LRP1B: variants seen among roughly 807,000 people sequenced by gnomAD.
The protein encoded by LRP1B is low-density lipoprotein receptor-related protein 1B.
A neutral mutation model predicts 556.6 loss-of-function variants in LRP1B; 217 were observed. That is an observed-to-expected ratio of 0.39 (90% CI 0.35 to 0.44). The LOEUF (loss-of-function observed/expected upper bound fraction) is 0.44. Ranked by LOEUF, LRP1B falls within the 20% of genes least tolerant of loss-of-function variation. LRP1B has a pLI of 1.00. For missense variants in LRP1B, 5,053 were observed against 5,620.8 expected, an observed-to-expected ratio of 0.90 and a Z score of 3.23; for synonymous variants, 2,047 against 1,865.8, an observed-to-expected ratio of 1.10 and a Z score of -2.50.
At chr2:140,341,652 G>A (rs1016072394) in intron 77 of LRP1B, among the ~76,000 whole-genome samples, 6 of 151,400 alleles carry the variant, frequency 4.0e-5, no homozygotes, top group African/African-American at 9.7e-5. Flanking sequence ...TCTTGGTAGC[G>A]AAATATGGCC....
At chr2:141,888,553 G>A (rs1699191766) in intron 1 of LRP1B, among the ~76,000 whole-genome samples, 1 of 152,202 alleles carries the variant, frequency 6.6e-6, no homozygotes, top group Non-Finnish European at 1.5e-5. Flanking sequence ...ATCAAGAAAA[G>A]CAAAATCAAA....
chr2:141,917,388 T>A (rs926862303), intron 1 of LRP1B, among the ~76,000 whole-genome samples: 1 of 152,230 alleles, frequency 6.6e-6, no homozygotes, highest in African/African-American at 2.4e-5. Flanking sequence ...TCCTTTGATT[T>A]TGCTTTATCA....
intron 74 of LRP1B, among the ~76,000 whole-genome samples, chr2:140,357,241 T>C (rs1342753428): frequency 6.6e-6 from 1 of 151,714 alleles, no homozygotes; most frequent in Non-Finnish European, 1.5e-5. Flanking sequence ...TTATTATCGT[T>C]GTAACCCCAC....
rs948342156 is a variant in LRP1B, at chr2:141,329,346, C to T, written c.344-74705G>A. On this transcript the variant is annotated intron_variant, in intron 3 of 90. Transcript: ENST00000389484. ...GAGGTCAAAGTGAGCTGAGATTGCA[C>T]CATTGTAATCCAGCCTGGGGGACAA... Among the ~76,000 whole-genome samples the T allele has an allele frequency of 6.4e-4, 88 of 136,528 alleles. 1 individual carries two copies. Among genetic ancestry groups the T allele is most frequent in the African/African-American group, 2.4e-3 (82 of 34,870 alleles). 89.6% of individuals were successfully genotyped at this position (136,528 alleles called of 152,430 possible).
intron 2 of LRP1B, among the ~76,000 whole-genome samples, chr2:141,744,201 G>T (rs1041811085): frequency 6.6e-6 from 1 of 151,774 alleles, no homozygotes; most frequent in African/African-American, 2.4e-5. Flanking sequence ...ATTGTCATTT[G>T]TTTCAAGAAA....
rs568290008 is a variant in LRP1B, at chr2:141,108,462, C to T, written c.1014-46189G>A. The stretch of plus-strand genomic sequence containing the variant: ...CTCCCAGGTTCAAGCGATTCTCCTG[C>T]TTCAGCTTCCCGAGTAGCTGGGATT... On this transcript the variant is annotated intron_variant, in intron 7 of 90. Coordinates refer to ENST00000389484, the MANE Select transcript of LRP1B (RefSeq NM_018557.3). Among the ~76,000 whole-genome samples the T allele has an allele frequency of 5.5e-5, 8 of 146,334 alleles. No individual in the cohort carries two copies. The South Asian group carries it at 1.8e-3, about 32-fold the overall frequency.
chr2:140,285,056 A>T (rs1208358634), intron 84 of LRP1B, among the ~76,000 whole-genome samples: 1 of 149,742 alleles, frequency 6.7e-6, no homozygotes, highest in Non-Finnish European at 1.5e-5. Flanking sequence ...ATATCTATAT[A>T]CCTATCTATA....
chr2:141,975,285 G>T (rs1170480700), intron 1 of LRP1B, among the ~76,000 whole-genome samples: 1 of 151,970 alleles, frequency 6.6e-6, no homozygotes, highest in South Asian at 2.1e-4. Flanking sequence ...CCTTCTAAAG[G>T]AATAACAGTT....
At chr2:141,330,183 A>G (rs1687589978) in intron 3 of LRP1B, among the ~76,000 whole-genome samples, 1 of 152,230 alleles carries the variant, frequency 6.6e-6, no homozygotes, top group South Asian at 2.1e-4. Context: ...TAGTACTATA[A>G]ATAACCAGCA....
chr2:140,529,839 A>C (rs77284590), intron 47 of LRP1B, among the ~76,000 whole-genome samples: 5 of 152,012 alleles, frequency 3.3e-5, no homozygotes, highest in Admixed American at 2.6e-4. Context: ...CCAGAAGAGG[A>C]GTACAAAATG....
At chr2:140,734,867 A>G (rs1436742001) in intron 35 of LRP1B, among the ~76,000 whole-genome samples, 1 of 152,136 alleles carries the variant, frequency 6.6e-6, no homozygotes, top group Non-Finnish European at 1.5e-5. Context: ...AAACTGCACC[A>G]TAGCCTGAGA....
At chr2:140,569,434 T>C (rs1257701851) in intron 43 of LRP1B, among the ~76,000 whole-genome samples, 2 of 151,896 alleles carry the variant, frequency 1.3e-5, no homozygotes, top group Non-Finnish European at 2.9e-5. Flanking sequence ...CAGACAAAAG[T>C]AACTTTTAGT....
chr2:141,892,563 TTAA>T (rs1199641146), intron 1 of LRP1B, among the ~76,000 whole-genome samples: 2 of 152,048 alleles, frequency 1.3e-5, no homozygotes, highest in Non-Finnish European at 2.9e-5. Context: ...ACGTGGAAAT[TTAA>T]TAATAATATT....
intron 86 of LRP1B, among the ~76,000 whole-genome samples, chr2:140,268,216 A>C (rs545677555): frequency 6.1e-4 from 93 of 152,080 alleles, no homozygotes; most frequent in African/African-American, 2.2e-3. Flanking sequence ...ACTAACTCTG[A>C]AATGTTAATG....
At chr2:141,291,168 T>G (rs907176325) in intron 3 of LRP1B, among the ~76,000 whole-genome samples, 1 of 152,172 alleles carries the variant, frequency 6.6e-6, no homozygotes, top group Non-Finnish European at 1.5e-5. Context: ...TTACAGGAAA[T>G]TTCCACTCTA....
chr2:141,916,731 C>T (rs908850494), intron 1 of LRP1B, among the ~76,000 whole-genome samples: 1 of 151,836 alleles, frequency 6.6e-6, no homozygotes, highest in African/African-American at 2.4e-5. Context: ...TAATCATAGA[C>T]ATAAAGATGG....
intron 2 of LRP1B, among the ~76,000 whole-genome samples, chr2:141,755,859 T>C (rs892708478): frequency 2.0e-5 from 3 of 152,052 alleles, no homozygotes; most frequent in Non-Finnish European, 4.4e-5. Context: ...ACTGACTCTT[T>C]AGTAATTTAA....
chr2:141,079,954 C>T (rs977105829), intron 7 of LRP1B, among the ~76,000 whole-genome samples: 2 of 152,180 alleles, frequency 1.3e-5, no homozygotes, highest in East Asian at 1.9e-4. Flanking sequence ...AGGACTCGTT[C>T]AATATCAGTA....
intron 32 of LRP1B, among the ~76,000 whole-genome samples, chr2:140,789,832 G>A (rs1326819072): frequency 4.6e-5 from 7 of 150,978 alleles, no homozygotes; most frequent in African/African-American, 1.7e-4. Flanking sequence ...GGGTTTCACC[G>A]TTTTAGCCGG....
Sources: gnomAD v4.1 joint callset for allele counts (sites outside exome capture counted in the v4.1 genomes callset) on GRCh38, gnomAD v4.1.1 for gene constraint, MANE v1.5 for transcripts, NCBI Gene and HGNC (gene_info 2026-07-23, HGNC 2026-07-21) for gene names.